Variants in CARMIL1 observed in about 807,000 individuals in gnomAD.
CARMIL1 encodes the protein capping protein regulator and myosin 1 linker 1, also known as F-actin-uncapping protein LRRC16A.
Under a neutral mutation model 177.1 loss-of-function variants are expected in CARMIL1, and 90 were observed. The ratio of observed to expected loss-of-function variants is 0.51; its 90% CI spans 0.43 to 0.61. The LOEUF (loss-of-function observed/expected upper bound fraction) is 0.61, where lower values mean the gene tolerates loss of function less well. Ranked by LOEUF, CARMIL1 falls within the 20% of genes least tolerant of loss-of-function variation. CARMIL1 has a pLI of 0.00. For missense variants in CARMIL1, 1,380 were observed against 1,667.0 expected (o/e 0.83, Z 3.00); for synonymous variants, 577 against 606.2 (o/e 0.95, Z 0.71).
At chr6:25,415,942 G>A (rs1404282227) in intron 2 of CARMIL1, among the ~76,000 whole-genome samples, 2 of 151,914 alleles carry the variant, frequency 1.3e-5, no homozygotes, top group African/African-American at 4.8e-5. Context: ...ACGGGGTGGA[G>A]TGTGGGGGAC....
chr6:25,373,731 C>T lies in CARMIL1; in HGVS notation c.139-46383C>T, dbSNP rs975246423. 2.0e-5 allele frequency among the ~76,000 whole-genome samples: 3 copies of T among 151,798 alleles called. 1 individual carries two copies. Among genetic ancestry groups the T allele is most frequent in the Non-Finnish European group, 4.4e-5 (3 of 67,944 alleles). ...CCGAGTAGCTGGGATTACAGGCATG[C>T]GCCACTATGCCTGGCTAATTTTTTT... On this transcript the variant is annotated intron_variant, in intron 2 of 36. Coordinates refer to ENST00000329474, the MANE Select transcript of CARMIL1 (RefSeq NM_017640.6).
intron 2 of CARMIL1, among the ~76,000 whole-genome samples, chr6:25,309,142 C>G (rs371493037): frequency 7.2e-5 from 11 of 152,240 alleles, no homozygotes; most frequent in African/African-American, 2.4e-4. Context: ...CCCGCCTAGG[C>G]CTCTTAAAGT....
chr6:25,524,548 T>A (rs973122976), intron 23 of CARMIL1, among the ~76,000 whole-genome samples: 4 of 152,224 alleles, frequency 2.6e-5, no homozygotes, highest in African/African-American at 7.2e-5. Context: ...TCAGGTTGTA[T>A]TACCAGGTAT....
At chr6:25,526,194 T>TAAGC (rs1361651134) in intron 23 of CARMIL1, among the ~76,000 whole-genome samples, 2 of 138,538 alleles carry the variant, frequency 1.4e-5, no homozygotes, top group African/African-American at 5.3e-5. Context: ...AATAAATAAA[T>TAAGC]AAGCCAGGCG....
chr6:25,417,416 G>A (rs1445846532), intron 2 of CARMIL1, among the ~76,000 whole-genome samples: 5 of 152,158 alleles, frequency 3.3e-5, no homozygotes, highest in Non-Finnish European at 7.3e-5. Flanking sequence ...TTAATTCCCT[G>A]AGTACTGCTG....
intron 31 of CARMIL1, among the ~76,000 whole-genome samples, chr6:25,587,622 T>C (rs1196258360): frequency 6.6e-6 from 1 of 152,210 alleles, no homozygotes; most frequent in African/African-American, 2.4e-5. Flanking sequence ...CTCCCTTTTC[T>C]ACACTTAAAT....
chr6:25,471,350 G>A lies in CARMIL1; in HGVS notation c.779+93G>A, dbSNP rs1402937721. ...TTCATAGTTTTTTTTTTTTTTAATT[G>A]GGCTGATCACATATACAGCAATGTT... is the stretch of plus-strand genomic sequence containing the variant. On this transcript the variant is annotated intron_variant, in intron 10 of 36. Coordinates refer to ENST00000329474, the MANE Select transcript of CARMIL1 (RefSeq NM_017640.6). The A allele has an allele frequency of 6.5e-5, 50 of 764,532 alleles. 1 individual carries two copies. The highest frequency in any genetic ancestry group is 9.6e-5 in the Non-Finnish European group (47 of 491,104). 47.4% of individuals were successfully genotyped at this position (764,532 alleles called of 1,614,324 possible). A position where few individuals can be genotyped will look rare whatever the true frequency, so the allele number is the denominator to read the frequency against.
chr6:25,301,008 C>T (rs1782819997), intron 2 of CARMIL1, among the ~76,000 whole-genome samples: 1 of 152,198 alleles, frequency 6.6e-6, no homozygotes, highest in South Asian at 2.1e-4. Flanking sequence ...CCTGCAAGAG[C>T]CTGCCATGTC....
intron 16 of CARMIL1, among the ~76,000 whole-genome samples, chr6:25,497,267 G>A (rs1034977325): frequency 1.3e-5 from 2 of 152,188 alleles, no homozygotes; most frequent in Non-Finnish European, 2.9e-5. Context: ...ACTGCGCTGG[G>A]TGCTTACATA....
At chr6:25,546,327 G>A (rs376870105) in intron 26 of CARMIL1, among the ~76,000 whole-genome samples, 3 of 152,112 alleles carry the variant, frequency 2.0e-5, no homozygotes, top group Admixed American at 6.6e-5. Context: ...ATTTTATGAT[G>A]TCCTACCTAG....
At position 25,577,207 on chromosome 6, in the gene CARMIL1, C is replaced by A; in HGVS notation, c.2743-3717C>A. The stretch of plus-strand genomic sequence containing the variant: ...AACAGGCGATGAATTTAAAATATCT[C>A]CAGCCATGTGCCTGAAAGCAAGCAG... On this transcript the variant is annotated intron_variant, in intron 29 of 36. Transcript: ENST00000329474. This position sits in a 1 kb window ranked among gnomAD's most constrained non-coding sequence, Gnocchi z 4.5. 1 of 788,308 alleles carries A rather than the reference C, an allele frequency of 1.3e-6. No homozygotes were observed. Among genetic ancestry groups the A allele is most frequent in the Non-Finnish European group, 1.5e-6 (1 of 650,020 alleles). The allele number at this position is 788,308 out of a possible 1,614,324, so 48.8% of individuals were successfully genotyped here.
At chr6:25,520,188 A>C in intron 22 of CARMIL1, 56 bp from the exon 23 acceptor site, 1 of 842,624 alleles carries the variant, frequency 1.2e-6, no homozygotes, top group South Asian at 1.8e-5. Flanking sequence ...AGAGTGCTGA[A>C]TTAAGGTAAT....
chr6:25,390,785 G>A (rs1792734460), intron 2 of CARMIL1, among the ~76,000 whole-genome samples: 1 of 152,142 alleles, frequency 6.6e-6, no homozygotes, highest in Non-Finnish European at 1.5e-5. Flanking sequence ...CTGCCTCCTG[G>A]GTTCAAGTGA....
chr6:25,604,464 CA>C (rs1406128405), intron 33 of CARMIL1, among the ~76,000 whole-genome samples: 1 of 152,150 alleles, frequency 6.6e-6, no homozygotes, highest in African/African-American at 2.4e-5. Context: ...CATAAAGCAT[CA>C]GGGGCTGCAG....
intron 2 of CARMIL1, among the ~76,000 whole-genome samples, chr6:25,413,890 G>A (rs1242800986): frequency 6.6e-6 from 1 of 152,150 alleles, no homozygotes. Flanking sequence ...TGCAGCCTAG[G>A]AGAAGTTTCA....
intron 26 of CARMIL1, among the ~76,000 whole-genome samples, chr6:25,548,471 A>G (rs1001470200): frequency 6.6e-6 from 1 of 152,142 alleles, no homozygotes; most frequent in Non-Finnish European, 1.5e-5. Context: ...TTTATTGTGT[A>G]TATGTTTTAT....
chr6:25,582,372 T>A (rs571561800), intron 31 of CARMIL1, among the ~76,000 whole-genome samples: 1 of 152,302 alleles, frequency 6.6e-6, no homozygotes, highest in South Asian at 2.1e-4. Context: ...CCCATTTAAG[T>A]TTTTTATTGT....
At chr6:25,312,608 C>G (rs1783922343) in intron 2 of CARMIL1, among the ~76,000 whole-genome samples, 1 of 151,938 alleles carries the variant, frequency 6.6e-6, no homozygotes, top group Non-Finnish European at 1.5e-5. Context: ...TAATTGAGGT[C>G]ACTTACTTGG....
chr6:25,521,748 C>T (rs989836527), intron 23 of CARMIL1, among the ~76,000 whole-genome samples: 9 of 142,772 alleles, frequency 6.3e-5, no homozygotes, highest in Non-Finnish European at 1.2e-4. Flanking sequence ...CCAGCCTGGC[C>T]GACAGAGCGA....
Sources: gnomAD v4.1 joint callset for allele counts (sites outside exome capture counted in the v4.1 genomes callset) on GRCh38, gnomAD v4.1.1 for gene constraint, Gnocchi (gnomAD v3.1) non-coding constraint, MANE v1.5 for transcripts, NCBI Gene and HGNC (gene_info 2026-07-23, HGNC 2026-07-21) for gene names.